NAV3: variants seen among roughly 807,000 people sequenced by gnomAD.
The protein encoded by NAV3 is pore membrane and/or filament interacting like protein 1.
NAV3 carries 87 observed loss-of-function variants against 244.7 expected under a neutral mutation model. That is an observed-to-expected ratio of 0.36 (90% CI 0.30 to 0.42). The LOEUF (loss-of-function observed/expected upper bound fraction) is 0.42, where lower values mean the gene tolerates loss of function less well. Ranked by LOEUF, NAV3 falls within the 20% of genes least tolerant of loss-of-function variation. NAV3 has a pLI of 1.00. For synonymous variants in NAV3, 1,126 were observed against 1,042.2 expected, an observed-to-expected ratio of 1.08 and a Z score of -1.55; for missense variants, 2,663 against 2,893.3, an observed-to-expected ratio of 0.92 and a Z score of 1.83.
At chr12:78,064,127 G>C (rs985670468) in intron 12 of NAV3, among the ~76,000 whole-genome samples, 2 of 152,060 alleles carry the variant, frequency 1.3e-5, no homozygotes, top group Non-Finnish European at 2.9e-5. Flanking sequence ...AGTGGGGAAG[G>C]GGGCTGGGGA....
intron 1 of NAV3, among the ~76,000 whole-genome samples, chr12:77,885,168 A>T (rs1280705165): frequency 6.6e-6 from 1 of 152,108 alleles, no homozygotes; most frequent in Non-Finnish European, 1.5e-5. Context: ...TATATGGGTT[A>T]AGCAATTAAA....
intron 2 of NAV3, among the ~76,000 whole-genome samples, chr12:77,734,112 C>G (rs1877238331): frequency 6.6e-6 from 1 of 151,874 alleles, no homozygotes; most frequent in East Asian, 1.9e-4. Flanking sequence ...GGATAGCATC[C>G]AGAGTACAGA....
chr12:77,879,516 AAT>A (rs1882326407), intron 1 of NAV3, among the ~76,000 whole-genome samples: 1 of 151,872 alleles, frequency 6.6e-6, no homozygotes, highest in East Asian at 1.9e-4. Flanking sequence ...CTCTACTAAA[AAT>A]ATAAAAATTA....
At chr12:78,031,113 G>T (rs952788943) in intron 9 of NAV3, among the ~76,000 whole-genome samples, 2 of 152,146 alleles carry the variant, frequency 1.3e-5, no homozygotes, top group Non-Finnish European at 2.9e-5. Flanking sequence ...AGTCTTGCCA[G>T]GGTAAGATGC....
At chr12:77,674,392 T>G (rs1290949989) in intron 2 of NAV3, among the ~76,000 whole-genome samples, 1 of 149,794 alleles carries the variant, frequency 6.7e-6, no homozygotes, top group Non-Finnish European at 1.5e-5. Flanking sequence ...AATTATACTT[T>G]TTTTTTTTTT....
At chr12:77,961,396 T>G (rs1032258436) in intron 3 of NAV3, among the ~76,000 whole-genome samples, 6 of 65,050 alleles carry the variant, frequency 9.2e-5, no homozygotes, top group Non-Finnish European at 2.1e-4. Context: ...ATACATTATA[T>G]ATTTAGTATA....
chr12:77,967,925 C>T (rs1892655934), intron 4 of NAV3, among the ~76,000 whole-genome samples: 1 of 151,904 alleles, frequency 6.6e-6, no homozygotes, highest in Non-Finnish European at 1.5e-5. Flanking sequence ...GGAAGATATA[C>T]CTACACATAC....
intron 7 of NAV3, among the ~76,000 whole-genome samples, chr12:77,998,802 G>A (rs138151669): frequency 9.2e-5 from 14 of 152,118 alleles, no homozygotes; most frequent in African/African-American, 2.9e-4. Flanking sequence ...AAATCATAAA[G>A]CCATATTGAA....
chr12:77,880,674 CTTTATT>C (rs1882518458), intron 1 of NAV3, among the ~76,000 whole-genome samples: 1 of 152,086 alleles, frequency 6.6e-6, no homozygotes, highest in Non-Finnish European at 1.5e-5. Context: ...TAATACTGTA[CTTTATT>C]TTTATTGTGT....
intron 1 of NAV3, among the ~76,000 whole-genome samples, chr12:77,927,543 A>G (rs1273192358): frequency 6.6e-6 from 1 of 152,206 alleles, no homozygotes; most frequent in Non-Finnish European, 1.5e-5. Flanking sequence ...AGGGAGCTTT[A>G]AGGATTGAAT....
At chr12:78,110,384 G>A (rs1369800633) in intron 12 of NAV3, among the ~76,000 whole-genome samples, 1 of 151,932 alleles carries the variant, frequency 6.6e-6, no homozygotes, top group Non-Finnish European at 1.5e-5. Context: ...CACATTCAAT[G>A]CAATTTCTAC....
intron 1 of NAV3, among the ~76,000 whole-genome samples, chr12:77,920,773 G>A (rs1290775544): frequency 6.6e-6 from 1 of 151,614 alleles, no homozygotes; most frequent in East Asian, 1.9e-4. Flanking sequence ...GAAGTCATCC[G>A]AAAAAAAATT....
At chr12:77,877,042 C>T (rs1881938884) in intron 1 of NAV3, among the ~76,000 whole-genome samples, 1 of 152,016 alleles carries the variant, frequency 6.6e-6, no homozygotes, top group African/African-American at 2.4e-5. Context: ...ATTTACATCC[C>T]TTAAAGCTAT....
chr12:78,116,942 C>T (rs756738232), intron 13 of NAV3, 38 bp downstream of exon 13: 3 of 1,603,994 alleles, frequency 1.9e-6, no homozygotes, highest in Admixed American at 3.4e-5. Context: ...GTGTTTCTGC[C>T]AGCTTTTTCC....
At chr12:77,886,615 T>G (rs1378569846) in intron 1 of NAV3, among the ~76,000 whole-genome samples, 1 of 152,114 alleles carries the variant, frequency 6.6e-6, no homozygotes, top group African/African-American at 2.4e-5. Context: ...AGAGCCCCCA[T>G]TTTTTTCCTG....
At chr12:77,708,472 A>G (rs1015937341) in intron 2 of NAV3, among the ~76,000 whole-genome samples, 3 of 152,168 alleles carry the variant, frequency 2.0e-5, no homozygotes, top group African/African-American at 7.2e-5. Flanking sequence ...CTTGTAGTAT[A>G]GTTTGAAGTC....
chr12:77,967,249 T>C (rs1892598155), intron 4 of NAV3, among the ~76,000 whole-genome samples: 1 of 152,050 alleles, frequency 6.6e-6, no homozygotes, highest in South Asian at 2.1e-4. Context: ...AAAATATACA[T>C]GAATGCTCAA....
chr12:77,848,416 C>T (rs1015380060), intron 1 of NAV3, among the ~76,000 whole-genome samples: 2 of 152,204 alleles, frequency 1.3e-5, no homozygotes, highest in Admixed American at 6.5e-5. Context: ...AATTTTGCTA[C>T]TAGCTGTAAA....
At chr12:77,725,313 A>G (rs1473113690) in intron 2 of NAV3, among the ~76,000 whole-genome samples, 1 of 152,012 alleles carries the variant, frequency 6.6e-6, no homozygotes, top group Non-Finnish European at 1.5e-5. Context: ...AAAAGCCATC[A>G]AACTATGTAG....
Sources: allele counts gnomAD v4.1 joint callset (sites outside exome capture counted in the v4.1 genomes callset), GRCh38; gene constraint gnomAD v4.1.1; transcripts MANE v1.5; gene names NCBI Gene and HGNC (gene_info 2026-07-23, HGNC 2026-07-21).